The following DNAH8 variants were observed in gnomAD, a reference collection of about 807,000 sequenced individuals.
DNAH8 encodes dynein axonemal heavy chain 8, also known as axonemal beta dynein heavy chain 8.
DNAH8 carries 382 observed loss-of-function variants against 562.1 expected under a neutral mutation model. The observed-to-expected ratio is 0.68, with a 90% CI of 0.63 to 0.74. The LOEUF is 0.74. Ranked by LOEUF, DNAH8 falls within the 30% of genes least tolerant of loss-of-function variation. The pLI, the probability that DNAH8 is intolerant of heterozygous loss-of-function variation, is 0.00. For missense variants in DNAH8, 5,203 were observed against 5,620.4 expected (o/e 0.93, Z 2.37); for synonymous variants, 1,881 against 1,919.4 (o/e 0.98, Z 0.52).
chr6:38,899,824 G>C lies in DNAH8; in HGVS notation c.9112G>C (p.Val3038Leu). 1 of 1,613,186 alleles carries C rather than the reference G, an allele frequency of 6.2e-7. No homozygotes were observed. Among genetic ancestry groups the C allele is most frequent in the Non-Finnish European group, 8.5e-7 (1 of 1,179,636 alleles). Residue 3038 changes from valine to leucine, a missense_variant, in exon 62 of 93, where the codon GTT becomes CTT. This residue lies in a region of DNAH8 where 977 missense variants were observed against 1,061.8 expected (regional missense o/e 0.92). Coordinates refer to ENST00000327475, the MANE Select transcript of DNAH8 (RefSeq NM_001206927.2). ...TSCGNALLVG[V>L]GGSGKQSLSR... ...GTGTGGAAATGCATTGCTGGTGGGT[G>C]TTGGTGGTTCCGGAAAACAAAGTCT...
In DNAH8 at chr6:38,896,021, T is replaced by C. The variant is rs772713584; in HGVS notation, c.8748-12T>C. The C allele has an allele frequency of 6.2e-7, 1 of 1,605,844 alleles. No homozygotes were observed. The highest frequency in any genetic ancestry group is 1.3e-5 in the African/African-American group (1 of 74,560). The stretch of plus-strand genomic sequence containing the variant: ...CATATTTAACATTCTTACTACTACA[T>C]TTTCCTTTCAGATTTATAACTCCTG... On this transcript the variant is annotated splice_polypyrimidine_tract_variant and intron_variant, in intron 59 of 92. Transcript: ENST00000327475.
chr6:38,746,461 G>A (rs1020253378), intron 8 of DNAH8, among the ~76,000 whole-genome samples: 2 of 152,112 alleles, frequency 1.3e-5, no homozygotes, highest in African/African-American at 2.4e-5. Flanking sequence ...TTATTGGAGA[G>A]TAGTATTTAG....
chr6:38,741,383 G>A (rs1218960754), intron 7 of DNAH8, among the ~76,000 whole-genome samples: 1 of 151,716 alleles, frequency 6.6e-6, no homozygotes, highest in Non-Finnish European at 1.5e-5. Flanking sequence ...AGCGTAGGCA[G>A]CAGAGCGAGA....
chr6:38,859,960 G>C (rs1043100647), intron 42 of DNAH8, among the ~76,000 whole-genome samples: 1 of 152,154 alleles, frequency 6.6e-6, no homozygotes, highest in Non-Finnish European at 1.5e-5. Flanking sequence ...GCCCCTAGCT[G>C]TACTGACCTT....
chr6:38,883,443 C>A lies in DNAH8; in HGVS notation c.8123C>A (p.Pro2708Gln), dbSNP rs757381549. ...KSLNFSSATE[P>Q]MMFQRTIESY... is the part of the protein sequence containing the mutation. ...CTAAACTTTTCATCTGCCACAGAACCAATGATGTTTCAGGTGAAATCCATC... is the reference window on the plus strand; with the variant it reads ...CTAAACTTTTCATCTGCCACAGAACAAATGATGTTTCAGGTGAAATCCATC... Residue 2708 changes from proline (P) to glutamine (Q), a missense_variant, in exon 55 of 93, where the codon CCA (proline) becomes CAA (glutamine). Pro to Gln is a moderately conservative substitution (Grantham distance 76). This residue lies in a region of DNAH8 where 977 missense variants were observed against 1,061.8 expected (regional missense o/e 0.92). Transcript: ENST00000327475. 3 of 1,607,574 alleles carry A rather than the reference C, an allele frequency of 1.9e-6. No homozygotes were observed. The highest frequency in any genetic ancestry group is 1.7e-5 in the Admixed American group (1 of 58,746).
At chr6:39,016,930 T>G (rs1766610203) in intron 91 of DNAH8, among the ~76,000 whole-genome samples, 1 of 152,214 alleles carries the variant, frequency 6.6e-6, no homozygotes, top group Non-Finnish European at 1.5e-5. Flanking sequence ...ATATTTTGTC[T>G]GTCATATTTG....
At chr6:38,717,943 TATATACAC>T (rs565825941) in intron 1 of DNAH8, among the ~76,000 whole-genome samples, 17 of 152,344 alleles carry the variant, frequency 1.1e-4, no homozygotes, top group African/African-American at 3.8e-4. Flanking sequence ...TGAAATACCG[TATATACAC>T]ATATACACAC....
chr6:38,994,836 G>GT (rs1013891015), intron 88 of DNAH8, among the ~76,000 whole-genome samples: 5 of 151,792 alleles, frequency 3.3e-5, no homozygotes, highest in Non-Finnish European at 7.4e-5. Context: ...TAGGGAAGGG[G>GT]TTTCACCATG....
At chr6:38,797,513 CT>C (rs1166558090) in intron 21 of DNAH8, among the ~76,000 whole-genome samples, 1 of 152,154 alleles carries the variant, frequency 6.6e-6, no homozygotes, top group Non-Finnish European at 1.5e-5. Flanking sequence ...CCCTCTCTCC[CT>C]TTCCCCTCCC....
chr6:38,730,667 G>A (rs1763594759), intron 4 of DNAH8, among the ~76,000 whole-genome samples: 1 of 152,112 alleles, frequency 6.6e-6, no homozygotes, highest in African/African-American at 2.4e-5. Context: ...GTGTATTCCT[G>A]CCAAGTATAT....
Position 38,788,856 on chromosome 6 carries a change from G to C in DNAH8, c.2584-947G>C, listed in dbSNP as rs1317741975. On this transcript the variant is annotated intron_variant, in intron 18 of 92. Coordinates refer to ENST00000327475, the MANE Select transcript of DNAH8 (RefSeq NM_001206927.2). ...CTAAGAAACCTTTTTTGAATCCAAA[G>C]TCATGAAGATTTGTGGCGTGTTGTC... Among the ~76,000 whole-genome samples, 3 of 152,256 alleles carry C rather than the reference G, an allele frequency of 2.0e-5. No homozygotes were observed. The East Asian group carries it at 5.8e-4, about 29-fold the overall frequency.
At chr6:38,981,789 A>G (rs1375275083) in intron 85 of DNAH8, among the ~76,000 whole-genome samples, 1 of 152,222 alleles carries the variant, frequency 6.6e-6, no homozygotes, top group African/African-American at 2.4e-5. Flanking sequence ...TTAAAACCCA[A>G]GAACTCCAAC....
chr6:38,852,863 C>T (rs1775871079), intron 40 of DNAH8, 65 bp downstream of exon 40: 2 of 1,264,950 alleles, frequency 1.6e-6, no homozygotes, highest in Admixed American at 3.7e-5. Flanking sequence ...GAGGAGAATA[C>T]AGTTCTCTTA....
chr6:38,948,459 C>T (rs1761611587), intron 80 of DNAH8, among the ~76,000 whole-genome samples: 1 of 152,208 alleles, frequency 6.6e-6, no homozygotes, highest in Non-Finnish European at 1.5e-5. Context: ...CTGCCTCAGC[C>T]TCCCGAGTAG....
At chr6:38,998,598 G>T (rs575623896) in intron 88 of DNAH8, among the ~76,000 whole-genome samples, 1 of 152,306 alleles carries the variant, frequency 6.6e-6, no homozygotes, top group African/African-American at 2.4e-5. Flanking sequence ...GATATTTCAT[G>T]TGCAAAGACG....
chr6:38,809,752 A>G (rs2150310719), intron 24 of DNAH8, among the ~76,000 whole-genome samples: 2 of 152,244 alleles, frequency 1.3e-5, no homozygotes, highest in East Asian at 3.9e-4. Flanking sequence ...CAATTCTCCC[A>G]GTGTGATTGT....
intron 53 of DNAH8, among the ~76,000 whole-genome samples, chr6:38,880,737 TC>T (rs1778410184): frequency 6.6e-6 from 1 of 152,174 alleles, no homozygotes; most frequent in Non-Finnish European, 1.5e-5. Context: ...AAATTAAAAC[TC>T]CAATGGGGTC....
chr6:38,912,840 T>G (rs1475717462), intron 66 of DNAH8, among the ~76,000 whole-genome samples: 1 of 152,166 alleles, frequency 6.6e-6, no homozygotes, highest in Non-Finnish European at 1.5e-5. Flanking sequence ...GACAGAGTTT[T>G]GCTCTGTTGC....
In DNAH8 at chr6:39,026,566, C is replaced by A. The variant is rs760758332; in HGVS notation, c.13735C>A (p.Gln4579Lys). 6.2e-7 allele frequency: 1 copy of A among 1,612,938 alleles called. No homozygotes were observed. The highest frequency in any genetic ancestry group is 8.5e-7 in the Non-Finnish European group (1 of 1,179,748). ...TTAAGGCTTCCTCACAGCAATGAGG[C>A]AAGAAGTGACCCGTGCCCACAAAGG... is the stretch of plus-strand genomic sequence containing the variant. ...NPQGFLTAMR[Q>K]EVTRAHKGWA... Residue 4579 changes from glutamine to lysine, a missense_variant, in exon 92 of 93, where the codon CAA becomes AAA. Physicochemically the swap from Gln to Lys is moderately conservative, Grantham distance 53. This residue lies in a region of DNAH8 where 1,399 missense variants were observed against 1,518.4 expected (regional missense o/e 0.92). Transcript: ENST00000327475.
Sources: allele counts gnomAD v4.1 joint callset (sites outside exome capture counted in the v4.1 genomes callset), GRCh38; gene constraint gnomAD v4.1.1; regional missense constraint gnomAD v4.1.1; transcripts MANE v1.5; gene names NCBI Gene and HGNC (gene_info 2026-07-23, HGNC 2026-07-21).